MCF2L: variants seen among roughly 807,000 people sequenced by gnomAD.
MCF2L encodes the protein guanine nucleotide exchange factor DBS.
In MCF2L, 97 loss-of-function variants were observed where a neutral mutation model predicts 153.4. The ratio of observed to expected loss-of-function variants is 0.63; its 90% CI spans 0.54 to 0.75. MCF2L has a LOEUF of 0.75. Ranked by LOEUF, MCF2L falls within the 30% of genes least tolerant of loss-of-function variation. The probability of loss-of-function intolerance (pLI) is 0.00; values close to 1 mark genes in which losing one functional copy is unlikely to be tolerated. For synonymous variants in MCF2L, 659 were observed against 632.2 expected (o/e 1.04, Z -0.64); for missense variants, 1,347 against 1,495.2 (o/e 0.90, Z 1.64).
In MCF2L at chr13:112,900,022, G is replaced by A. The variant is rs564334631; in HGVS notation, c.-4-2177G>A. Among the ~76,000 whole-genome samples the A allele has an allele frequency of 1.2e-4, 18 of 152,292 alleles. No homozygotes were observed. In the South Asian group the frequency reaches 3.1e-3, roughly 26 times the overall value. ...TGTCTACAGAGTCCAGCTTGGGGAC[G>A]CGATTGCAGCCAGGGGCATAAACGT... On this transcript the variant is annotated intron_variant, in intron 1 of 29. Coordinates refer to the MCF2L transcript ENST00000375608.
intron 2 of MCF2L, among the ~76,000 whole-genome samples, chr13:112,950,085 T>C (rs2081677346): frequency 6.6e-6 from 1 of 152,074 alleles, no homozygotes; most frequent in Non-Finnish European, 1.5e-5. Flanking sequence ...TCAATTGTCT[T>C]TCTTTGTAGA....
intron 2 of MCF2L, among the ~76,000 whole-genome samples, chr13:112,940,350 T>G (rs1045989695): frequency 6.6e-6 from 1 of 152,252 alleles, no homozygotes; most frequent in Admixed American, 6.5e-5. Flanking sequence ...GCATCTCCAG[T>G]GCCAGCACGG....
intron 1 of MCF2L, chr13:112,985,221 C>A (rs752275687): frequency 5.5e-6 from 2 of 365,108 alleles, no homozygotes; most frequent in Non-Finnish European, 1.1e-5. Context: ...AATTGCCTGG[C>A]GTACTCTGTC....
In MCF2L at chr13:112,982,060, G is replaced by A. The variant is rs73574970; in HGVS notation, c.79+12602G>A. 3.6e-3 allele frequency among the ~76,000 whole-genome samples: 556 copies of A among 152,340 alleles called. 4 individuals are homozygous for A. The highest frequency in any genetic ancestry group is 0.013 in the African/African-American group (534 of 41,578). The stretch of plus-strand genomic sequence containing the variant: ...GGGAAACTAGGCCCGGAGTGCAGCA[G>A]TGGAGGCCTTGTCTGAGGGGTCGGG... On this transcript the variant is annotated intron_variant, in intron 1 of 29. Coordinates refer to ENST00000535094, the MANE Select transcript of MCF2L (RefSeq NM_001112732.3).
At chr13:112,931,082 G>C (rs2081458360) in intron 2 of MCF2L, among the ~76,000 whole-genome samples, 1 of 152,250 alleles carries the variant, frequency 6.6e-6, no homozygotes, top group Admixed American at 6.5e-5. Flanking sequence ...GCGTGCAGAT[G>C]ACAAACAGAG....
At chr13:113,088,253 C>A (rs1342365144) in intron 23 of MCF2L, 74 bp from the exon 24 acceptor site, 1 of 1,242,272 alleles carries the variant, frequency 8.0e-7, no homozygotes, top group East Asian at 2.3e-5. Flanking sequence ...TTTGGATGTT[C>A]CGAGAGTGAA....
In MCF2L at chr13:113,086,119, C is replaced by T; in HGVS notation, c.2248-5C>T. On this transcript the variant is annotated splice_region_variant and splice_polypyrimidine_tract_variant and intron_variant, in intron 20 of 29. Coordinates refer to ENST00000535094, the MANE Select transcript of MCF2L (RefSeq NM_001112732.3). ...GACGCGGTTGCCTCACCCCATGCCC[C>T]TCAGGAAATGCTGAAATACAGCAGG... 9 of 1,604,938 alleles carry T rather than the reference C, an allele frequency of 5.6e-6. No homozygotes were observed. Among genetic ancestry groups the T allele is most frequent in the Non-Finnish European group, 6.8e-6 (8 of 1,175,750 alleles).
rs1279659252 is a variant in MCF2L at position 113,096,093 on chromosome 13, A to G, written c.3076-278A>G. On this transcript the variant is annotated intron_variant, in intron 27 of 29. Transcript: ENST00000535094. ...CTCCGGGAGGCGGGTATGCAGGCGC[A>G]AAGGCCCTGGGGCCGAGAGCTGTGT... 2.0e-5 allele frequency: 11 copies of G among 548,538 alleles called. No individual in the cohort carries two copies. In the East Asian group the frequency reaches 3.6e-4, roughly 18 times the overall value. 34.0% of individuals were successfully genotyped at this position (548,538 alleles called of 1,614,324 possible). A position where few individuals can be genotyped will look rare whatever the true frequency, so the allele number is the denominator to read the frequency against.
rs774543076 is a variant in MCF2L, at chr13:113,074,523, A to G, written c.1076A>G (p.His359Arg). ...GGCAACAGCCTGGCGCATGTGGAGC[A>G]CCTGCTGAGGGACCTGGCCAGCTTC... Reference protein sequence around the residue: ...DIGNSLAHVEHLLRDLASFEE... With the variant: ...DIGNSLAHVERLLRDLASFEE... The change falls in exon 10 of 30, where the codon CAC (histidine) becomes CGC (arginine). Residue 359 changes from histidine to arginine, a missense_variant. Coordinates refer to ENST00000535094, the MANE Select transcript of MCF2L (RefSeq NM_001112732.3). The surrounding 1 kb of genome is among the most constrained non-coding windows in gnomAD (Gnocchi z 4.2). 3.1e-6 allele frequency: 5 copies of G among 1,614,054 alleles called. No homozygotes were observed. The highest frequency in any genetic ancestry group is 4.2e-6 in the Non-Finnish European group (5 of 1,180,018).
intron 13 of MCF2L, among the ~76,000 whole-genome samples, chr13:113,077,424 C>T (rs2033613950): frequency 1.3e-5 from 2 of 152,228 alleles, no homozygotes; most frequent in African/African-American, 2.4e-5. Flanking sequence ...GACCCGGCCA[C>T]GCCCATCCTG....
chr13:112,988,435 G>A (rs944479206), intron 1 of MCF2L, among the ~76,000 whole-genome samples: 10 of 152,202 alleles, frequency 6.6e-5, no homozygotes, highest in Non-Finnish European at 1.2e-4. Context: ...GTGGGTGCAC[G>A]GGTGTGGTGC....
chr13:113,092,708 G>GCTGGC lies in MCF2L; in HGVS notation c.2954-1797_2954-1793dup, dbSNP rs770387905. Reference sequence around the variant, plus strand: ...ATCCCCCAGCTCCTGGTGCAGCAGTGCTGGCCTGGCCTGTGGCTGCCCACT... The same window carrying GCTGGC: ...ATCCCCCAGCTCCTGGTGCAGCAGTGCTGGCCTGGCCTGGCCTGTGGCTGCCCACT... On this transcript the variant is annotated intron_variant, in intron 26 of 29. Transcript: ENST00000535094. Among the ~76,000 whole-genome samples, 9 of 152,384 alleles carry GCTGGC rather than the reference G, an allele frequency of 5.9e-5. No individual in the cohort carries two copies. The East Asian group carries it at 1.7e-3, about 29-fold the overall frequency.
chr13:113,022,514 G>A (rs1425220730), intron 2 of MCF2L, among the ~76,000 whole-genome samples: 2 of 152,222 alleles, frequency 1.3e-5, no homozygotes, highest in Non-Finnish European at 2.9e-5. Flanking sequence ...AGGCTTCTGG[G>A]CGGTGCTGGA....
chr13:112,958,777 G>A (rs560997183), intron 2 of MCF2L, among the ~76,000 whole-genome samples: 10 of 152,324 alleles, frequency 6.6e-5, no homozygotes, highest in African/African-American at 2.4e-5. Context: ...TGTGGGATAC[G>A]TGTGCCAGGC....
intron 1 of MCF2L, among the ~76,000 whole-genome samples, chr13:112,990,078 C>G (rs1050238116): frequency 1.3e-5 from 2 of 152,202 alleles, no homozygotes; most frequent in Non-Finnish European, 2.9e-5. Flanking sequence ...TCCTGCTTAC[C>G]CCCTGTTCAC....
chr13:113,086,181 A>G lies in MCF2L; in HGVS notation c.2305A>G (p.Ser769Gly). The G allele has an allele frequency of 2.5e-6, 4 of 1,611,058 alleles. No individual in the cohort carries two copies. The highest frequency in any genetic ancestry group is 3.4e-6 in the Non-Finnish European group (4 of 1,178,756). ...EGAEDLQEALSSILGILKAVN... is the reference protein window; with the variant it reads ...EGAEDLQEALGSILGILKAVN... ...GGCTGAGGACCTGCAGGAGGCGCTGAGCTCCATCCTGGGCATCCTGAAGGC... is the reference window on the plus strand; with the variant it reads ...GGCTGAGGACCTGCAGGAGGCGCTGGGCTCCATCCTGGGCATCCTGAAGGC... Residue 769 changes from serine (S) to glycine (G), a missense_variant, in exon 21 of 30, where the codon AGC becomes GGC. This residue lies in a region of MCF2L where 144 missense variants were observed against 238.7 expected (regional missense o/e 0.60). Coordinates refer to ENST00000535094, the MANE Select transcript of MCF2L (RefSeq NM_001112732.3).
intron 1 of MCF2L, among the ~76,000 whole-genome samples, chr13:112,991,887 C>T (rs937142297): frequency 6.6e-6 from 1 of 152,202 alleles, no homozygotes; most frequent in Admixed American, 6.5e-5. Flanking sequence ...CCCACGAAAA[C>T]AATTTCTTGT....
At chr13:112,979,099 C>G (rs573657020) in intron 1 of MCF2L, among the ~76,000 whole-genome samples, 3 of 152,366 alleles carry the variant, frequency 2.0e-5, no homozygotes, top group African/African-American at 4.8e-5. Flanking sequence ...CTTCCTCCCT[C>G]GAGGAGCTCG....
At chr13:113,015,036 T>G (rs924285192) in intron 2 of MCF2L, among the ~76,000 whole-genome samples, 190 bp downstream of exon 2, 2 of 152,184 alleles carry the variant, frequency 1.3e-5, no homozygotes, top group Non-Finnish European at 2.9e-5. Flanking sequence ...TCCATGCCAG[T>G]TGGCACATGG....
Sources: gnomAD v4.1 joint callset for allele counts (sites outside exome capture counted in the v4.1 genomes callset) on GRCh38, gnomAD v4.1.1 for gene constraint, gnomAD v4.1.1 regional missense constraint, Gnocchi (gnomAD v3.1) non-coding constraint, MANE v1.5 for transcripts, NCBI Gene and HGNC (gene_info 2026-07-23, HGNC 2026-07-21) for gene names.